SAMD5: variants seen among roughly 807,000 people sequenced by gnomAD.
SAMD5 encodes sterile alpha motif domain containing 5.
Under a neutral mutation model 11.3 loss-of-function variants are expected in SAMD5, and 13 were observed. That is an observed-to-expected ratio of 1.15 (90% CI 0.75 to 1.83). The LOEUF is 1.83. SAMD5 is among the 40% of genes most tolerant of loss of function. The pLI is 0.00. For missense variants in SAMD5, 255 were observed against 239.1 expected (o/e 1.07, Z -0.44); for synonymous variants, 129 against 111.3 (o/e 1.16, Z -1.00).
At chr6:147,866,958 T>C in the SAMD5 span, among the ~76,000 whole-genome samples, 1 of 152,180 alleles carries the variant, frequency 6.6e-6, no homozygotes, top group Non-Finnish European at 1.5e-5. Context: ...TTGAGTTATT[T>C]TCCAGTGTGA....
At chr6:147,890,078 T>C in the SAMD5 span, among the ~76,000 whole-genome samples, 1 of 152,096 alleles carries the variant, frequency 6.6e-6, no homozygotes. Flanking sequence ...TTTAATAATA[T>C]GAAAAATTTT....
At chr6:147,667,100 T>A (rs1014488248) in intron 1 of SAMD5, among the ~76,000 whole-genome samples, 1 of 152,318 alleles carries the variant, frequency 6.6e-6, no homozygotes, top group Admixed American at 6.5e-5. Context: ...AAAGTCCTTA[T>A]TGAATTCAGC....
At chr6:147,740,316 TA>T (rs1791861998), downstream of SAMD5, among the ~76,000 whole-genome samples, 1 of 152,192 alleles carries the variant, frequency 6.6e-6, no homozygotes. Flanking sequence ...GGGTGAGAGC[TA>T]CACATGAGTA....
At chr6:147,551,125 C>T (rs985155727) in intron 1 of SAMD5, among the ~76,000 whole-genome samples, 10 of 152,196 alleles carry the variant, frequency 6.6e-5, no homozygotes, top group Non-Finnish European at 1.3e-4. Context: ...CCACTGACAG[C>T]GCCCTGGGGC....
chr6:147,784,275 C>T, the SAMD5 span, among the ~76,000 whole-genome samples: 2 of 152,004 alleles, frequency 1.3e-5, no homozygotes, highest in African/African-American at 2.4e-5. Context: ...TATCTTTGTA[C>T]ATAATAATCA....
the SAMD5 span, among the ~76,000 whole-genome samples, chr6:147,793,933 G>T: frequency 3.9e-4 from 60 of 152,178 alleles, no homozygotes; most frequent in African/African-American, 1.3e-3. Context: ...TCAGTTTGCT[G>T]GTACCTGCAA....
chr6:147,716,379 C>A (rs925684970), intron 1 of SAMD5, among the ~76,000 whole-genome samples: 1 of 152,244 alleles, frequency 6.6e-6, no homozygotes, highest in Admixed American at 6.5e-5. Context: ...GGAGCAGACA[C>A]TTCTGAGCCT....
In SAMD5 at chr6:147,717,025, A is replaced by G. The variant is rs139568910; in HGVS notation, c.163-20292A>G. On this transcript the variant is annotated intron_variant, in intron 1 of 1. Transcript: ENST00000566741. Reference sequence around the variant, plus strand: ...TAATTTAAAATGTAAACCATATCACATTACTCCTTTGTCTAAAACCTCCAG... The same window carrying G: ...TAATTTAAAATGTAAACCATATCACGTTACTCCTTTGTCTAAAACCTCCAG... Among the ~76,000 whole-genome samples, 173 of 152,244 alleles carry G rather than the reference A, an allele frequency of 1.1e-3. 1 individual carries two copies. The highest frequency in any genetic ancestry group is 3.9e-3 in the African/African-American group (164 of 41,550).
At chr6:147,636,047 G>T (rs1405432465) in intron 1 of SAMD5, among the ~76,000 whole-genome samples, 2 of 152,172 alleles carry the variant, frequency 1.3e-5, no homozygotes, top group African/African-American at 2.4e-5. Context: ...TGTACCATGT[G>T]CCAGTTACTA....
intron 1 of SAMD5, among the ~76,000 whole-genome samples, chr6:147,543,837 T>C (rs74599483): frequency 6.6e-6 from 1 of 152,216 alleles, no homozygotes; most frequent in East Asian, 1.9e-4. Context: ...GGTCTAGATA[T>C]GAGTTGGGAG....
rs546703436 is a variant in SAMD5 at position 147,566,840 on chromosome 6, T to G, written c.*2384T>G. 86 of 978,714 alleles carry G rather than the reference T, an allele frequency of 8.8e-5. No homozygotes were observed. In the African/African-American group the frequency reaches 1.5e-3, roughly 17 times the overall value. 60.6% of individuals were successfully genotyped at this position (978,714 alleles called of 1,614,324 possible). ...AATCAAGATGAGGTAAGAGGTAGAA[T>G]ATAAGAGAAAGGGATTATTTTTACC... On this transcript the variant is annotated 3_prime_UTR_variant, in exon 2 of 2. Transcript: ENST00000367474.
chr6:147,643,871 G>C (rs894966063), intron 1 of SAMD5, among the ~76,000 whole-genome samples: 2 of 152,016 alleles, frequency 1.3e-5, no homozygotes, highest in African/African-American at 4.8e-5. Context: ...GGAAGGAAGG[G>C]AGGCAGGAAA....
At chr6:147,895,957 G>A in the SAMD5 span, among the ~76,000 whole-genome samples, 1 of 152,166 alleles carries the variant, frequency 6.6e-6, no homozygotes, top group Non-Finnish European at 1.5e-5. Context: ...ACAGCTGGGG[G>A]TCTTAAGCAC....
chr6:147,849,158 A>ATTTTTT, the SAMD5 span, among the ~76,000 whole-genome samples: 30 of 140,712 alleles, frequency 2.1e-4, no homozygotes, highest in African/African-American at 4.2e-4. Context: ...CTATATGTGA[A>ATTTTTT]TTTTTTTTTT....
chr6:147,713,760 AAGT>A (rs1197322916), intron 1 of SAMD5, among the ~76,000 whole-genome samples: 1 of 152,052 alleles, frequency 6.6e-6, no homozygotes, highest in Non-Finnish European at 1.5e-5. Flanking sequence ...TTCCAAGCAA[AAGT>A]AGTATGTATG....
At chr6:147,650,865 G>A (rs192927117) in intron 1 of SAMD5, among the ~76,000 whole-genome samples, 71 of 152,312 alleles carry the variant, frequency 4.7e-4, no homozygotes, top group African/African-American at 1.6e-3. Context: ...TTGGAACGCA[G>A]AAGACAGATC....
the SAMD5 span, among the ~76,000 whole-genome samples, chr6:147,920,075 A>G: frequency 1.3e-5 from 2 of 152,326 alleles, no homozygotes; most frequent in Middle Eastern, 3.4e-3. Context: ...ATTGAGCATC[A>G]ACTTGATTGG....
At chr6:147,611,347 G>A (rs1018056403) in intron 1 of SAMD5, among the ~76,000 whole-genome samples, 12 of 152,068 alleles carry the variant, frequency 7.9e-5, no homozygotes, top group Admixed American at 2.6e-4. Flanking sequence ...TGAGGCAAGC[G>A]GATTACCTGA....
In SAMD5 at chr6:147,583,818, A is replaced by AACACACAC. The variant is rs3032052; in HGVS notation, c.162+74449_162+74456dup. ...AAAAGGGAAAAAAGTGGAATTTTCAAACACACACACACACACACACACACA... is the reference window on the plus strand; with the variant it reads ...AAAAGGGAAAAAAGTGGAATTTTCAAACACACACACACACACACACACACACACACACA... On this transcript the variant is annotated intron_variant, in intron 1 of 1. Transcript: ENST00000566741. 7.2e-3 allele frequency among the ~76,000 whole-genome samples: 1,082 copies of AACACACAC among 149,464 alleles called. 4 individuals are homozygous for AACACACAC. Among genetic ancestry groups the AACACACAC allele is most frequent in the Non-Finnish European group, 0.012 (790 of 67,436 alleles).
Sources: gnomAD v4.1 joint callset for allele counts (sites outside exome capture counted in the v4.1 genomes callset) on GRCh38, gnomAD v4.1.1 for gene constraint, MANE v1.5 for transcripts, NCBI Gene and HGNC (gene_info 2026-07-23, HGNC 2026-07-21) for gene names.